RYR1: variants seen among roughly 807,000 people sequenced by gnomAD.
The protein encoded by RYR1 is ryanodine receptor 1, also known as central core disease of muscle.
RYR1 carries 342 observed loss-of-function variants against 583.5 expected under a neutral mutation model. The observed-to-expected ratio is 0.59, with a 90% CI of 0.54 to 0.64. The LOEUF (loss-of-function observed/expected upper bound fraction) is 0.64. Ranked by LOEUF, RYR1 falls within the 30% of genes least tolerant of loss-of-function variation. The probability of loss-of-function intolerance (pLI) is 0.00; values close to 1 mark genes in which losing one functional copy is unlikely to be tolerated. For missense variants in RYR1, 6,032 were observed against 6,917.2 expected (o/e 0.87, Z 4.54); for synonymous variants, 2,791 against 2,822.5 (o/e 0.99, Z 0.35).
intron 66 of RYR1, among the ~76,000 whole-genome samples, chr19:38,518,429 A>G (rs1195427099): frequency 6.7e-6 from 1 of 148,762 alleles, no homozygotes. Context: ...AAAAAGAAAT[A>G]TTTGTGTAAG....
At chr19:38,580,565 A>G (rs1974157843) in intron 101 of RYR1, 61 bp downstream of exon 101, 4 of 1,605,146 alleles carry the variant, frequency 2.5e-6, no homozygotes, top group Non-Finnish European at 3.4e-6. Context: ...AGGAGTTAAT[A>G]ATGGTACCTC....
At position 38,514,902 on chromosome 19, in the gene RYR1, G is replaced by C. The variant is rs150917093; in HGVS notation, c.9473-124G>C. 465 of 714,394 alleles carry C rather than the reference G, an allele frequency of 6.5e-4. 1 individual carries two copies. Among genetic ancestry groups the C allele is most frequent in the Admixed American group, 1.3e-3 (66 of 49,858 alleles). The allele number at this position is 714,394 out of a possible 1,614,324, so 44.3% of individuals were successfully genotyped here. On this transcript the variant is annotated intron_variant, in intron 63 of 105. Coordinates refer to ENST00000359596, the MANE Select transcript of RYR1 (RefSeq NM_000540.3). ...GCTCAAGTCACAAGACTCGTACATG[G>C]AAGGCTGGCTGTACATCTGCTTGCT...
chr19:38,528,720 GT>G (rs774225913), intron 75 of RYR1, 25 bp downstream of exon 75: 9 of 1,611,784 alleles, frequency 5.6e-6, no homozygotes, highest in Non-Finnish European at 7.6e-6. Context: ...GCCTGGGGGA[GT>G]GGGGGGCGAG....
intron 27 of RYR1, among the ~76,000 whole-genome samples, chr19:38,471,394 G>C (rs1387363255): frequency 2.0e-5 from 3 of 152,160 alleles, no homozygotes; most frequent in Admixed American, 6.5e-5. Flanking sequence ...TCTGGGCATG[G>C]TGGTATGTGC....
In RYR1 at chr19:38,469,496, G is replaced by A; in HGVS notation, c.3748G>A (p.Glu1250Lys). The part of the protein sequence containing the change: ...GLPQFEPVPL[E>K]HPHYEVSRVD... The stretch of plus-strand genomic sequence containing the variant: ...GCCCCAGTTTGAGCCAGTGCCCCTT[G>A]AACACCCTCACTATGAGGTAAGGAC... The change falls in exon 27 of 106, where the codon GAA becomes AAA. Residue 1250 changes from glutamate to lysine, a missense_variant. Glu to Lys is a moderately conservative substitution (Grantham distance 56). Coordinates refer to ENST00000359596, the MANE Select transcript of RYR1 (RefSeq NM_000540.3). 6.2e-7 allele frequency: 1 copy of A among 1,614,070 alleles called. No homozygotes were observed. The highest frequency in any genetic ancestry group is 8.5e-7 in the Non-Finnish European group (1 of 1,180,018).
At chr19:38,455,870 G>C (rs1967349878) in intron 16 of RYR1, 119 bp downstream of exon 16, 11 of 722,836 alleles carry the variant, frequency 1.5e-5, no homozygotes, top group Non-Finnish European at 2.7e-5. Flanking sequence ...TCACCTGTAC[G>C]CCACTCCCAC....
intron 50 of RYR1, 47 bp from the exon 51 acceptor site, chr19:38,504,701 T>G: frequency 1.2e-6 from 2 of 1,600,020 alleles, no homozygotes; most frequent in East Asian, 4.5e-5. Flanking sequence ...TGGGGGTCAG[T>G]AAGGCTTATA....
At chr19:38,502,461 C>A in intron 47 of RYR1, 46 bp from the exon 48 acceptor site, 3 of 1,550,532 alleles carry the variant, frequency 1.9e-6, no homozygotes, top group Non-Finnish European at 2.6e-6. Context: ...GCCAGAGCAG[C>A]CCCAGGGGTG....
chr19:38,565,786 G>A lies in RYR1; in HGVS notation c.13437+15G>A. Reference sequence around the variant, plus strand: ...GGAAATTGGGGGTGAGAGAGCAGGCGGGGTTTTGGGGTTTTGGAAAGATGG... The same window carrying A: ...GGAAATTGGGGGTGAGAGAGCAGGCAGGGTTTTGGGGTTTTGGAAAGATGG... On this transcript the variant is annotated intron_variant, in intron 91 of 105. Transcript: ENST00000359596. The surrounding 1 kb of genome is among the most constrained non-coding windows in gnomAD (Gnocchi z 4.7). The A allele has an allele frequency of 1.4e-6, 2 of 1,381,546 alleles. No individual in the cohort carries two copies. Among genetic ancestry groups the A allele is most frequent in the South Asian group, 1.7e-5 (1 of 59,378 alleles). The allele number at this position is 1,381,546 out of a possible 1,614,324, so 85.6% of individuals were successfully genotyped here. A position where few individuals can be genotyped will look rare whatever the true frequency, so the allele number is the denominator to read the frequency against.
chr19:38,559,460 C>G (rs1973028413), intron 89 of RYR1, among the ~76,000 whole-genome samples: 1 of 151,994 alleles, frequency 6.6e-6, no homozygotes. Flanking sequence ...TCTCGAACTC[C>G]TGACCTCAGG....
At chr19:38,586,241 T>G in intron 104 of RYR1, 50 bp downstream of exon 104, 1 of 1,512,514 alleles carries the variant, frequency 6.6e-7, no homozygotes, top group Non-Finnish European at 9.1e-7. Context: ...TGGCTGCCAA[T>G]AGCCAGCAGT....
chr19:38,488,748 G>A (rs903726676), intron 34 of RYR1, among the ~76,000 whole-genome samples: 3 of 152,076 alleles, frequency 2.0e-5, no homozygotes, highest in African/African-American at 7.2e-5. Context: ...CAAGTGATCT[G>A]CCCGCCTTGG....
intron 50 of RYR1, 60 bp from the exon 51 acceptor site, chr19:38,504,688 T>G: frequency 6.2e-7 from 1 of 1,601,896 alleles, no homozygotes; most frequent in Non-Finnish European, 8.5e-7. Flanking sequence ...GAGTTTGAGG[T>G]CCTGGGGGTC....
In RYR1 at chr19:38,473,693, CGCAGGCGGGGGG is replaced by C; in HGVS notation, c.4083_4094del (p.Gln1362_Gly1365del). ...AAGGAGGGCGCCCCCGGGGGCACCC[CGCAGGCGGGGGG>C]AGAGGCGCAGCCCGCCAGGGCGGAG... On this transcript the variant is annotated inframe_deletion, in exon 28 of 106. Transcript: ENST00000359596. The C allele has an allele frequency of 6.5e-7, 1 of 1,549,636 alleles. No individual in the cohort carries two copies. The highest frequency in any genetic ancestry group is 2.4e-5 in the East Asian group (1 of 40,958).
intron 12 of RYR1, 128 bp from the exon 13 acceptor site, chr19:38,452,691 C>T (rs759641603): frequency 3.7e-6 from 3 of 815,422 alleles, no homozygotes; most frequent in Non-Finnish European, 5.7e-6. Flanking sequence ...TTTTCCCTCT[C>T]TGCGTCTCGG....
At position 38,441,643 on chromosome 19, in the gene RYR1, ACTGGGGGCTGAGAGGTGGAAGGAGC is replaced by A. The variant is rs573133390; in HGVS notation, c.166-699_166-675del. On this transcript the variant is annotated intron_variant, in intron 2 of 105. Transcript: ENST00000359596. ...CACCCGCAGGGGCCTGACTTGGGAG[ACTGGGGGCTGAGAGGTGGAAGGAGC>A]CTGGGGTCTGAAAGGAGGAGACCTG... is the stretch of plus-strand genomic sequence containing the variant. 5.7e-3 allele frequency among the ~76,000 whole-genome samples: 831 copies of A among 146,168 alleles called. 5 individuals carry two copies. The highest frequency in any genetic ancestry group is 0.02 in the African/African-American group (794 of 39,288).
chr19:38,459,123 C>T, intron 18 of RYR1, 23 bp from the exon 19 acceptor site: 1 of 1,606,600 alleles, frequency 6.2e-7, no homozygotes, highest in Non-Finnish European at 8.5e-7. Flanking sequence ...TGACGTCTGA[C>T]CCATCTCTGG....
chr19:38,543,302 C>A lies in RYR1; in HGVS notation c.11690-45C>A. 1 of 1,541,492 alleles carries A rather than the reference C, an allele frequency of 6.5e-7. No individual in the cohort carries two copies. The highest frequency in any genetic ancestry group is 1.1e-5 in the South Asian group (1 of 89,556). ...ATAAATGACCCACTGTTCATCTCCCCTAGCACATGGGAGGTGCTGGATAAA... is the reference window on the plus strand; with the variant it reads ...ATAAATGACCCACTGTTCATCTCCCATAGCACATGGGAGGTGCTGGATAAA... On this transcript the variant is annotated intron_variant, in intron 84 of 105. Coordinates refer to ENST00000359596, the MANE Select transcript of RYR1 (RefSeq NM_000540.3). The surrounding 1 kb of genome is among the most constrained non-coding windows in gnomAD (Gnocchi z 4.4).
rs1973130256 is a variant in RYR1 at position 38,561,360 on chromosome 19, T to C, written c.12530T>C (p.Leu4177Pro). ...ESILEYFRPY[L>P]GRIEIMGASR... ...ATCCTTGAGTACTTCCGCCCCTACC[T>C]GGGCCGCATCGAGATCATGGGCGCG... Residue 4177 changes from leucine to proline, a missense_variant, in exon 90 of 106, where the codon CTG becomes CCG. Physicochemically the swap from Leu to Pro is moderately conservative, Grantham distance 98 (BLOSUM62 -3). This residue lies in a region of RYR1 where 753 missense variants were observed against 759.6 expected (regional missense o/e 0.99). Transcript: ENST00000359596. This position sits in a 1 kb window ranked among gnomAD's most constrained non-coding sequence, Gnocchi z 4.8. 6.2e-7 allele frequency: 1 copy of C among 1,613,722 alleles called. No individual in the cohort carries two copies. The highest frequency in any genetic ancestry group is 1.7e-5 in the Admixed American group (1 of 59,992).
Sources: allele counts gnomAD v4.1 joint callset (sites outside exome capture counted in the v4.1 genomes callset), GRCh38; gene constraint gnomAD v4.1.1; regional missense constraint gnomAD v4.1.1; non-coding constraint Gnocchi (gnomAD v3.1); transcripts MANE v1.5; gene names NCBI Gene and HGNC (gene_info 2026-07-23, HGNC 2026-07-21).